GPR39: variants seen among roughly 807,000 people sequenced by gnomAD.
The protein encoded by GPR39 is G protein-coupled receptor 39.
A neutral mutation model predicts 18.4 loss-of-function variants in GPR39; 23 were observed. The ratio of observed to expected loss-of-function variants is 1.25; its 90% confidence interval spans 0.90 to 1.77. The LOEUF is 1.77. GPR39 is among the 40% of genes most tolerant of loss of function. The pLI, the probability that GPR39 is intolerant of heterozygous loss-of-function variation, is 0.00. For synonymous variants in GPR39, 280 were observed against 257.9 expected, an observed-to-expected ratio of 1.09 and a Z score of -0.82; for missense variants, 647 against 602.4, an observed-to-expected ratio of 1.07 and a Z score of -0.78.
chr2:132,628,792 A>T (rs987650782), intron 1 of GPR39, among the ~76,000 whole-genome samples: 8 of 152,086 alleles, frequency 5.3e-5, no homozygotes, highest in African/African-American at 1.9e-4. Flanking sequence ...TGTGCAATCA[A>T]TTCTAGTTTA....
At chr2:132,565,550 C>G (rs994352305) in intron 1 of GPR39, among the ~76,000 whole-genome samples, 2 of 115,498 alleles carry the variant, frequency 1.7e-5, no homozygotes, top group African/African-American at 6.6e-5. Context: ...TCCCTCCCCC[C>G]TCCCCCCACC....
At chr2:132,470,206 T>G (rs1681004761) in intron 1 of GPR39, among the ~76,000 whole-genome samples, 1 of 152,188 alleles carries the variant, frequency 6.6e-6, no homozygotes, top group Non-Finnish European at 1.5e-5. Flanking sequence ...TCCTTCCAGT[T>G]AGTGGTGGCA....
Position 132,417,506 on chromosome 2 carries a change from T to C in GPR39, c.464T>C (p.Leu155Pro). ...TCGGGACCTTGCCAGGTGAAGCTGC[T>C]GATTGGCTTCGTCTGGGTCACCTCC... The part of the protein sequence containing the change: ...AVSGPCQVKL[L>P]IGFVWVTSAL... The change falls in exon 1 of 2, where the codon CTG becomes CCG. Residue 155 changes from leucine to proline, a missense_variant. Leu to Pro is a moderately conservative substitution (Grantham distance 98). Around this residue, in one of 3 missense-constraint regions of GPR39, gnomAD observed 581 missense variants for 506.8 expected, o/e 1.15. Coordinates refer to ENST00000329321, the MANE Select transcript of GPR39 (RefSeq NM_001508.3). 6.2e-7 allele frequency: 1 copy of C among 1,614,186 alleles called. No individual in the cohort carries two copies.
At chr2:132,563,411 C>G (rs931631998) in intron 1 of GPR39, among the ~76,000 whole-genome samples, 5 of 152,120 alleles carry the variant, frequency 3.3e-5, no homozygotes, top group Admixed American at 1.3e-4. Context: ...AGTGAGACCT[C>G]GTGTCTACAA....
At chr2:132,567,776 A>C (rs963728402) in intron 1 of GPR39, among the ~76,000 whole-genome samples, 4 of 152,150 alleles carry the variant, frequency 2.6e-5, no homozygotes, top group African/African-American at 7.2e-5. Context: ...AAAGTTCTTT[A>C]AAAACTACTG....
chr2:132,426,935 G>A (rs996048085), intron 1 of GPR39, among the ~76,000 whole-genome samples: 17 of 151,996 alleles, frequency 1.1e-4, no homozygotes, highest in Admixed American at 9.2e-4. Context: ...GAGTGATGAC[G>A]CTCATTAAAC....
In GPR39 at chr2:132,645,552, C is replaced by T. The variant is rs749378161; in HGVS notation, c.1308C>T (p.Gly436=). ...TCGAGTCACTAGAGCCCAACTCAGGCGCGAAACCAGCCAATTCTGCTGCAG... is the reference window on the plus strand; with the variant it reads ...TCGAGTCACTAGAGCCCAACTCAGGTGCGAAACCAGCCAATTCTGCTGCAG... ...LSLESLEPNS[G]AKPANSAAEN... The change falls in exon 2 of 2, where the codon GGC becomes GGT. Residue 436 remains glycine, a synonymous_variant. Coordinates refer to ENST00000329321, the MANE Select transcript of GPR39 (RefSeq NM_001508.3). The T allele has an allele frequency of 6.2e-6, 10 of 1,614,100 alleles. No homozygotes were observed. The East Asian group carries it at 6.7e-5, about 11-fold the overall frequency.
At chr2:132,427,074 C>CTATATATATAATATACATATATAGGTACA (rs1323764623) in intron 1 of GPR39, among the ~76,000 whole-genome samples, 13 of 114,806 alleles carry the variant, frequency 1.1e-4, no homozygotes, top group African/African-American at 4.3e-4. Flanking sequence ...ATATATGTAC[C>CTATATATATAATATACATATATAGGTACA]TATATATATA....
chr2:132,474,531 A>G (rs1217939734), intron 1 of GPR39, among the ~76,000 whole-genome samples: 2 of 152,010 alleles, frequency 1.3e-5, no homozygotes, highest in Non-Finnish European at 1.5e-5. Context: ...ACTGATGACA[A>G]CCTTCAGCTC....
intron 1 of GPR39, among the ~76,000 whole-genome samples, chr2:132,568,762 C>G (rs1680394047): frequency 6.6e-6 from 1 of 152,022 alleles, no homozygotes; most frequent in South Asian, 2.1e-4. Context: ...AAATTTGGAA[C>G]CCCAGCCCTC....
chr2:132,485,415 T>C (rs1249605278), intron 1 of GPR39, among the ~76,000 whole-genome samples: 1 of 152,216 alleles, frequency 6.6e-6, no homozygotes, highest in East Asian at 1.9e-4. Flanking sequence ...CCACTTCGAC[T>C]GACTCTTCTT....
At chr2:132,583,138 C>T (rs565596290) in intron 1 of GPR39, among the ~76,000 whole-genome samples, 2 of 152,070 alleles carry the variant, frequency 1.3e-5, no homozygotes, top group Non-Finnish European at 2.9e-5. Flanking sequence ...GTCTCACACT[C>T]CTGACCTCAA....
chr2:132,592,901 G>A (rs1680871542), intron 1 of GPR39, among the ~76,000 whole-genome samples: 1 of 152,112 alleles, frequency 6.6e-6, no homozygotes, highest in South Asian at 2.1e-4. Context: ...ACTTGAGACA[G>A]CAGCTATAAA....
At chr2:132,478,864 T>C (rs1261085375) in intron 1 of GPR39, among the ~76,000 whole-genome samples, 2 of 152,122 alleles carry the variant, frequency 1.3e-5, no homozygotes. Context: ...AATGTCAGCT[T>C]GTAGCCACTA....
chr2:132,601,414 C>G (rs949049440), intron 1 of GPR39, among the ~76,000 whole-genome samples: 1 of 152,094 alleles, frequency 6.6e-6, no homozygotes, highest in Non-Finnish European at 1.5e-5. Flanking sequence ...ATTTAACATT[C>G]CATCATGATA....
chr2:132,510,244 A>G (rs1036699852), intron 1 of GPR39, among the ~76,000 whole-genome samples: 1 of 152,156 alleles, frequency 6.6e-6, no homozygotes, highest in Non-Finnish European at 1.5e-5. Flanking sequence ...GTCCAGTGAG[A>G]CAAAACACTC....
chr2:132,585,894 G>A (rs944767912), intron 1 of GPR39, among the ~76,000 whole-genome samples: 1 of 150,530 alleles, frequency 6.6e-6, no homozygotes, highest in Non-Finnish European at 1.5e-5. Flanking sequence ...GGTACCCGAG[G>A]GGGCCAAAGA....
At chr2:132,489,363 C>G (rs1442117940) in intron 1 of GPR39, among the ~76,000 whole-genome samples, 3 of 152,072 alleles carry the variant, frequency 2.0e-5, no homozygotes, top group Non-Finnish European at 4.4e-5. Flanking sequence ...CGGTGGGGGC[C>G]GCTGGCGGCT....
At chr2:132,481,862 C>T (rs1681242260) in intron 1 of GPR39, among the ~76,000 whole-genome samples, 1 of 152,188 alleles carries the variant, frequency 6.6e-6, no homozygotes, top group Admixed American at 6.5e-5. Flanking sequence ...CATGCCCTCC[C>T]AGGCCTCCTG....
Sources: gnomAD v4.1 joint callset for allele counts (sites outside exome capture counted in the v4.1 genomes callset) on GRCh38, gnomAD v4.1.1 for gene constraint, gnomAD v4.1.1 regional missense constraint, MANE v1.5 for transcripts, NCBI Gene and HGNC (gene_info 2026-07-23, HGNC 2026-07-21) for gene names.